The following AKAIN1 variants were observed in gnomAD, a reference collection of about 807,000 sequenced individuals.
The protein encoded by AKAIN1 is A-kinase anchor inhibitor 1.
Under a neutral mutation model 3.7 loss-of-function variants are expected in AKAIN1, and 3 were observed. The observed-to-expected ratio is 0.82, with a 90% confidence interval of 0.37 to 2.12. AKAIN1 has a LOEUF of 2.12. Among genes scored for constraint, AKAIN1 ranks in the 30% most tolerant of loss-of-function variants. The probability of loss-of-function intolerance (pLI) is 0.06; values close to 1 mark genes in which losing one functional copy is unlikely to be tolerated. For missense variants in AKAIN1, 82 were observed against 82.7 expected (o/e 0.99, Z 0.03); for synonymous variants, 31 against 30.8 (o/e 1.01, Z -0.02).
intron 1 of AKAIN1, among the ~76,000 whole-genome samples, chr18:5,149,996 G>A (rs539308359): frequency 3.3e-5 from 5 of 152,136 alleles, no homozygotes; most frequent in Non-Finnish European, 7.4e-5. Flanking sequence ...CACTTCTTAA[G>A]CCAGCAATAG....
chr18:5,176,088 A>T (rs1380540393), intron 1 of AKAIN1, among the ~76,000 whole-genome samples: 1 of 152,094 alleles, frequency 6.6e-6, no homozygotes, highest in Non-Finnish European at 1.5e-5. Flanking sequence ...GAGGAACAAA[A>T]TCACCTCTGG....
At chr18:5,171,501 C>G (rs969634179) in intron 1 of AKAIN1, among the ~76,000 whole-genome samples, 1 of 151,938 alleles carries the variant, frequency 6.6e-6, no homozygotes, top group Non-Finnish European at 1.5e-5. Flanking sequence ...GGAAAAAAAT[C>G]TAATAATCCA....
intron 1 of AKAIN1, among the ~76,000 whole-genome samples, chr18:5,169,265 A>G (rs1178705834): frequency 6.6e-6 from 1 of 152,052 alleles, no homozygotes; most frequent in Non-Finnish European, 1.5e-5. Flanking sequence ...TTTACTCAAG[A>G]TCTAATAATT....
At chr18:5,157,873 T>A (rs985952253) in intron 1 of AKAIN1, among the ~76,000 whole-genome samples, 1 of 152,074 alleles carries the variant, frequency 6.6e-6, no homozygotes, top group Admixed American at 6.5e-5. Flanking sequence ...TTTAATCTTT[T>A]TGCAGAGATA....
At chr18:5,187,526 G>A (rs1272018309) in intron 1 of AKAIN1, among the ~76,000 whole-genome samples, 1 of 152,132 alleles carries the variant, frequency 6.6e-6, no homozygotes, top group Non-Finnish European at 1.5e-5. Context: ...ATATGAAACA[G>A]AGAGAAATGG....
At position 5,154,345 on chromosome 18, in the gene AKAIN1, G is replaced by T. The variant is rs554207897; in HGVS notation, c.17-8590C>A. On this transcript the variant is annotated intron_variant, in intron 1 of 1. Transcript: ENST00000434239. ...TTAAATATTTCCTTTTTCTGAGCAC[G>T]TAGATAACAACCAAGACTGTGTTAT... Among the ~76,000 whole-genome samples, 9 of 152,178 alleles carry T rather than the reference G, an allele frequency of 5.9e-5. No homozygotes were observed. The South Asian group carries it at 1.9e-3, about 32-fold the overall frequency.
chr18:5,182,910 C>T (rs1426934826), intron 1 of AKAIN1, among the ~76,000 whole-genome samples: 3 of 152,068 alleles, frequency 2.0e-5, no homozygotes, highest in African/African-American at 7.2e-5. Flanking sequence ...CTTATATCCT[C>T]TAACTCTGAA....
chr18:5,150,237 G>A (rs1172747548), intron 1 of AKAIN1, among the ~76,000 whole-genome samples: 1 of 152,148 alleles, frequency 6.6e-6, no homozygotes, highest in Admixed American at 6.5e-5. Context: ...AACTCCTGAT[G>A]GAGTCTCTTA....
At chr18:5,184,373 C>T (rs981575732) in intron 1 of AKAIN1, among the ~76,000 whole-genome samples, 2 of 151,996 alleles carry the variant, frequency 1.3e-5, no homozygotes, top group South Asian at 2.1e-4. Context: ...AAATAAAAGA[C>T]ATCAAATAGG....
intron 1 of AKAIN1, among the ~76,000 whole-genome samples, chr18:5,168,344 G>A (rs2071178199): frequency 6.6e-6 from 1 of 152,060 alleles, no homozygotes; most frequent in Non-Finnish European, 1.5e-5. Context: ...CAGCCAAAGA[G>A]GCTACCATTG....
intron 1 of AKAIN1, among the ~76,000 whole-genome samples, chr18:5,183,453 A>G (rs577976856): frequency 6.6e-6 from 1 of 152,218 alleles, no homozygotes; most frequent in Admixed American, 6.5e-5. Flanking sequence ...ATGATGAAAT[A>G]TAATTCAATT....
chr18:5,175,794 C>T lies in AKAIN1; in HGVS notation c.16+21244G>A, dbSNP rs576492297. On this transcript the variant is annotated intron_variant, in intron 1 of 1. Transcript: ENST00000434239. ...ATTAAAATGAATAATAAAATTCATG[C>T]TCATAACTTTAAATTATAGGGTTTT... 1.4e-4 allele frequency among the ~76,000 whole-genome samples: 22 copies of T among 152,108 alleles called. 1 individual carries two copies. The highest frequency in any genetic ancestry group is 9.8e-4 in the Admixed American group (15 of 15,274).
chr18:5,170,367 C>G (rs963676018), intron 1 of AKAIN1, among the ~76,000 whole-genome samples: 1 of 152,046 alleles, frequency 6.6e-6, no homozygotes, highest in Non-Finnish European at 1.5e-5. Context: ...CATAATGTGA[C>G]CTGTAGTAAG....
intron 1 of AKAIN1, among the ~76,000 whole-genome samples, chr18:5,168,890 A>G (rs2071182133): frequency 6.6e-6 from 1 of 151,776 alleles, no homozygotes; most frequent in Non-Finnish European, 1.5e-5. Context: ...GCAAACAAAC[A>G]AAAACAACAA....
At chr18:5,169,133 T>G (rs576519110) in intron 1 of AKAIN1, among the ~76,000 whole-genome samples, 2 of 152,012 alleles carry the variant, frequency 1.3e-5, no homozygotes, top group Non-Finnish European at 2.9e-5. Context: ...TGTTGGGAAA[T>G]CAGACAGAGA....
chr18:5,150,818 A>C (rs2071076007), intron 1 of AKAIN1, among the ~76,000 whole-genome samples: 1 of 152,236 alleles, frequency 6.6e-6, no homozygotes, highest in Non-Finnish European at 1.5e-5. Flanking sequence ...ATAAGTATTA[A>C]AATTGTGCTT....
In AKAIN1 at chr18:5,145,403, TCAAAACAG is replaced by T; in HGVS notation, c.*151_*158del. On this transcript the variant is annotated 3_prime_UTR_variant, in exon 2 of 2. Coordinates refer to ENST00000434239, the MANE Select transcript of AKAIN1 (RefSeq NM_001145194.2). ...GAACAGAATCGTCTAATGCACTTTTTCAAAACAGTGCTTCTCAGCCAGGGGCTAGTGTG... is the reference window on the plus strand; with the variant it reads ...GAACAGAATCGTCTAATGCACTTTTTTGCTTCTCAGCCAGGGGCTAGTGTG... 1 of 598,272 alleles carries T rather than the reference TCAAAACAG, an allele frequency of 1.7e-6. No homozygotes were observed. The highest frequency in any genetic ancestry group is 2.9e-6 in the Non-Finnish European group (1 of 339,602). 37.1% of individuals were successfully genotyped at this position (598,272 alleles called of 1,614,324 possible).
intron 1 of AKAIN1, among the ~76,000 whole-genome samples, chr18:5,185,315 C>T (rs1303981847): frequency 6.6e-6 from 1 of 152,096 alleles, no homozygotes; most frequent in African/African-American, 2.4e-5. Flanking sequence ...ATGCCAAAAA[C>T]AATTGCGACA....
rs2071036820 is a variant in AKAIN1 at position 5,144,299 on chromosome 18, T to C, written c.*1263A>G. ...TACTTTGCTTTAAAAAAAAATCAAA[T>C]GTAGATATTGATACTCTGAAACTAG... On this transcript the variant is annotated 3_prime_UTR_variant, in exon 2 of 2. Transcript: ENST00000434239. Among the ~76,000 whole-genome samples the C allele has an allele frequency of 6.6e-6, 1 of 152,292 alleles. No individual in the cohort carries two copies. Among genetic ancestry groups the C allele is most frequent in the South Asian group, 2.1e-4 (1 of 4,830 alleles).
Sources: gnomAD v4.1 joint callset for allele counts (sites outside exome capture counted in the v4.1 genomes callset) on GRCh38, gnomAD v4.1.1 for gene constraint, MANE v1.5 for transcripts, NCBI Gene and HGNC (gene_info 2026-07-23, HGNC 2026-07-21) for gene names.